The following QKI variants were observed in gnomAD, a reference collection of about 807,000 sequenced individuals.
QKI encodes QKI, KH domain containing RNA binding.
Under a neutral mutation model 39.0 loss-of-function variants are expected in QKI, and 10 were observed. The ratio of observed to expected loss-of-function variants is 0.26; its 90% confidence interval spans 0.16 to 0.43. QKI has a LOEUF of 0.43. Among genes scored for constraint, QKI ranks in the 20% least tolerant of loss-of-function variants. The probability of loss-of-function intolerance (pLI) is 1.00; values close to 1 mark genes in which losing one functional copy is unlikely to be tolerated. For synonymous variants in QKI, 204 were observed against 155.4 expected (o/e 1.31, Z -2.33); for missense variants, 218 against 428.0 (o/e 0.51, Z 4.33).
chr6:163,576,314 G>A lies in QKI; in HGVS notation c.*5604G>A, dbSNP rs905935601. On this transcript the variant is annotated 3_prime_UTR_variant, in exon 8 of 8. Transcript: ENST00000361752. ...TCTGCTGCACTAATTGCCAGGGGGT[G>A]GGGGAGAAGGCGAATGAATTAATTC... 5.3e-4 allele frequency: 81 copies of A among 152,332 alleles called. No individual in the cohort carries two copies. Among genetic ancestry groups the A allele is most frequent in the African/African-American group, 1.8e-3 (75 of 41,512 alleles). The allele number at this position is 152,332 out of a possible 1,614,324, so 9.4% of individuals were successfully genotyped here.
At chr6:163,442,935 A>G (rs1172560009) in intron 1 of QKI, among the ~76,000 whole-genome samples, 1 of 152,158 alleles carries the variant, frequency 6.6e-6, no homozygotes, top group East Asian at 1.9e-4. Context: ...AAAACTGATT[A>G]AATTTGCTTT....
At chr6:163,500,602 A>G (rs182700494) in intron 3 of QKI, among the ~76,000 whole-genome samples, 1 of 152,300 alleles carries the variant, frequency 6.6e-6, no homozygotes, top group African/African-American at 2.4e-5. Context: ...CTACTAAAAA[A>G]ATTATGTTCT....
At chr6:163,455,240 T>A (rs1176021617) in intron 1 of QKI, 39 bp from the exon 2 acceptor site, 1 of 1,557,742 alleles carries the variant, frequency 6.4e-7, no homozygotes. Context: ...CAAGAATATT[T>A]TTTTTGTCTA....
chr6:163,474,063 C>G (rs1032903428), intron 2 of QKI, among the ~76,000 whole-genome samples: 4 of 152,160 alleles, frequency 2.6e-5, no homozygotes, highest in Non-Finnish European at 5.9e-5. Context: ...TTGAAATCCA[C>G]TGCAATAACA....
At chr6:163,432,739 GAAT>G (rs60268265) in intron 1 of QKI, among the ~76,000 whole-genome samples, 25,794 of 151,850 alleles carry the variant, frequency 0.17, 2,542 homozygotes, top group Admixed American at 0.33. Flanking sequence ...ATTTGCTTTG[GAAT>G]AATGTGATAA....
intron 6 of QKI, chr6:163,565,252 G>A (rs1783287104): frequency 2.0e-6 from 2 of 987,038 alleles, no homozygotes; most frequent in Admixed American, 6.0e-5. Context: ...TCTGTCCTGT[G>A]GTCCCGTGCA....
At chr6:163,533,243 C>A (rs903484409) in intron 3 of QKI, among the ~76,000 whole-genome samples, 1 of 152,012 alleles carries the variant, frequency 6.6e-6, no homozygotes, top group Admixed American at 6.6e-5. Context: ...TTTTTCTTGC[C>A]ACAGTTAGAG....
chr6:163,535,551 AAAAT>A (rs1781144012), intron 4 of QKI, among the ~76,000 whole-genome samples: 2 of 152,070 alleles, frequency 1.3e-5, no homozygotes, highest in South Asian at 4.1e-4. Flanking sequence ...CGGGAAATGA[AAAAT>A]AAATTACTGG....
intron 3 of QKI, among the ~76,000 whole-genome samples, chr6:163,490,955 T>C (rs780571037): frequency 5.9e-5 from 9 of 152,324 alleles, no homozygotes; most frequent in Non-Finnish European, 1.3e-4. Flanking sequence ...TTAGAGACTT[T>C]GACATATTTA....
intron 4 of QKI, among the ~76,000 whole-genome samples, chr6:163,560,617 A>T (rs773509637): frequency 6.6e-6 from 1 of 152,172 alleles, no homozygotes; most frequent in Non-Finnish European, 1.5e-5. Flanking sequence ...TTGACTTAAG[A>T]TGTTACTTAC....
intron 4 of QKI, 94 bp downstream of exon 4, chr6:163,535,219 G>A: frequency 1.6e-6 from 2 of 1,243,560 alleles, no homozygotes; most frequent in Non-Finnish European, 2.1e-6. Context: ...ATAGGTTATT[G>A]GTTGTTAGAA....
intron 3 of QKI, among the ~76,000 whole-genome samples, chr6:163,525,649 G>A (rs1488214601): frequency 2.0e-5 from 3 of 152,126 alleles, no homozygotes; most frequent in Non-Finnish European, 4.4e-5. Context: ...ACAGGCGTGA[G>A]CCACCACGCC....
At chr6:163,541,062 GTGATTTGAGA>G (rs1781473163) in intron 4 of QKI, among the ~76,000 whole-genome samples, 1 of 151,926 alleles carries the variant, frequency 6.6e-6, no homozygotes, top group Admixed American at 6.6e-5. Flanking sequence ...AGGTAGATCA[GTGATTTGAGA>G]CCTGTCTTTT....
At position 163,570,855 on chromosome 6, in the gene QKI, C is replaced by T; in HGVS notation, c.*145C>T. ...CTTGTCCGTTCGTCTTACCATCTAACCAAACAAAAGACAAAGAAATTGTTG... is the reference window on the plus strand; with the variant it reads ...CTTGTCCGTTCGTCTTACCATCTAATCAAACAAAAGACAAAGAAATTGTTG... On this transcript the variant is annotated 3_prime_UTR_variant, in exon 8 of 8. Transcript: ENST00000361752. 3 of 1,103,184 alleles carry T rather than the reference C, an allele frequency of 2.7e-6. No individual in the cohort carries two copies. Among genetic ancestry groups the T allele is most frequent in the Non-Finnish European group, 2.5e-6 (2 of 791,502 alleles). 68.3% of individuals were successfully genotyped at this position (1,103,184 alleles called of 1,614,324 possible). A position where few individuals can be genotyped will look rare whatever the true frequency, so the allele number is the denominator to read the frequency against.
intron 7 of QKI, chr6:163,567,480 T>C (rs1171509910): frequency 2.0e-6 from 2 of 984,624 alleles, no homozygotes; most frequent in Non-Finnish European, 2.4e-6. Context: ...GAAGGTAAAC[T>C]GTCTCTTGAA....
intron 3 of QKI, among the ~76,000 whole-genome samples, chr6:163,530,422 A>G (rs1780778987): frequency 6.6e-6 from 1 of 152,196 alleles, no homozygotes; most frequent in South Asian, 2.1e-4. Context: ...AATGACTAAA[A>G]GAGGACCTTT....
At chr6:163,448,665 AG>A (rs1329690469) in intron 1 of QKI, among the ~76,000 whole-genome samples, 15 of 152,142 alleles carry the variant, frequency 9.9e-5, no homozygotes, top group African/African-American at 3.4e-4. Flanking sequence ...TGAACCCAGG[AG>A]GCGGAGGTTG....
At chr6:163,536,072 A>G (rs1039262351) in intron 4 of QKI, among the ~76,000 whole-genome samples, 1 of 152,228 alleles carries the variant, frequency 6.6e-6, no homozygotes, top group African/African-American at 2.4e-5. Context: ...AGTTTATTCA[A>G]CAAGTAAACT....
intron 6 of QKI, chr6:163,566,509 G>A: frequency 7.2e-7 from 1 of 1,384,996 alleles, no homozygotes; most frequent in Non-Finnish European, 9.3e-7. Context: ...AATAGGTTAA[G>A]GCCCAAGATG....
Sources: gnomAD v4.1 joint callset for allele counts (sites outside exome capture counted in the v4.1 genomes callset) on GRCh38, gnomAD v4.1.1 for gene constraint, MANE v1.5 for transcripts, NCBI Gene and HGNC (gene_info 2026-07-23, HGNC 2026-07-21) for gene names.